The following EXOC6 variants were observed in gnomAD, a reference collection of about 807,000 sequenced individuals.
EXOC6 encodes SEC15-like 1.
EXOC6 carries 60 observed loss-of-function variants against 112.5 expected under a neutral mutation model. The observed-to-expected ratio is 0.53, with a 90% CI of 0.43 to 0.66. EXOC6 has a LOEUF of 0.66. Ranked by LOEUF, EXOC6 falls within the 30% of genes least tolerant of loss-of-function variation. The pLI is 0.00. For synonymous variants in EXOC6, 295 were observed against 308.0 expected, an observed-to-expected ratio of 0.96 and a Z score of 0.44; for missense variants, 855 against 957.1, an observed-to-expected ratio of 0.89 and a Z score of 1.41.
chr10:92,994,783 A>AATG (rs1020174303), intron 18 of EXOC6, among the ~76,000 whole-genome samples: 1 of 151,924 alleles, frequency 6.6e-6, no homozygotes, highest in Non-Finnish European at 1.5e-5. Flanking sequence ...TAATAATAAT[A>AATG]ATAGTGTTCA....
intron 1 of EXOC6, among the ~76,000 whole-genome samples, chr10:92,852,549 T>A (rs941879292): frequency 6.6e-6 from 1 of 152,178 alleles, no homozygotes; most frequent in African/African-American, 2.4e-5. Context: ...TATATGTATA[T>A]ATGTGTGTGT....
intron 20 of EXOC6, among the ~76,000 whole-genome samples, chr10:93,040,343 G>T (rs1564931927): frequency 2.6e-5 from 4 of 152,166 alleles, no homozygotes; most frequent in Non-Finnish European, 5.9e-5. Flanking sequence ...CCGCCTCCCA[G>T]GTTCACGCCA....
At chr10:92,995,975 A>G (rs2134172118) in intron 18 of EXOC6, among the ~76,000 whole-genome samples, 1 of 152,240 alleles carries the variant, frequency 6.6e-6, no homozygotes, top group Middle Eastern at 3.4e-3. Context: ...AAATGTATTT[A>G]TGTTCTTTAT....
rs566645875 is a variant in EXOC6 at position 92,975,056 on chromosome 10, C to T, written c.1953+824C>T. Among the ~76,000 whole-genome samples the T allele has an allele frequency of 3.2e-3, 490 of 151,788 alleles. 3 individuals carry two copies. The highest frequency in any genetic ancestry group is 6.8e-3 in the Middle Eastern group (2 of 294). On this transcript the variant is annotated intron_variant, in intron 18 of 21. Transcript: ENST00000260762. ...TCTGGGACGTGAGGAGCCCCTCTGC[C>T]TGGCTGCCCAGTCTGGAAAGTGAGG...
intron 1 of EXOC6, among the ~76,000 whole-genome samples, chr10:92,886,734 A>C (rs1849234428): frequency 6.6e-6 from 1 of 152,238 alleles, no homozygotes; most frequent in Non-Finnish European, 1.5e-5. Context: ...TGTAATGATT[A>C]ACATAGTTAA....
intron 13 of EXOC6, among the ~76,000 whole-genome samples, chr10:92,944,969 T>C (rs1194233342): frequency 6.6e-6 from 1 of 151,904 alleles, no homozygotes; most frequent in Non-Finnish European, 1.5e-5. Context: ...ATGGGGTTTC[T>C]GTATGTTGGT....
chr10:92,882,544 CAAAA>C (rs386372107), intron 1 of EXOC6, among the ~76,000 whole-genome samples: 2 of 112,950 alleles, frequency 1.8e-5, no homozygotes, highest in African/African-American at 3.5e-5. Flanking sequence ...GGCTCTGTCT[CAAAA>C]AAAAAAAAAA....
chr10:92,989,986 A>C (rs1038982113), intron 18 of EXOC6, among the ~76,000 whole-genome samples: 2 of 152,194 alleles, frequency 1.3e-5, no homozygotes, highest in African/African-American at 4.8e-5. Flanking sequence ...TTATGAGTTA[A>C]TTCCAGGTAT....
Position 92,915,818 on chromosome 10 carries a change from A to G in EXOC6, c.724A>G (p.Lys242Glu), listed in dbSNP as rs1465004521. ...LQKQNKMKFG[K>E]NMYINRDRIP... is the part of the protein sequence containing the mutation. ...GAAACAAAATAAAATGAAATTTGGG[A>G]AAAATATGTATATAAATCGTGATAG... The change falls in exon 7 of 22, where the codon AAA becomes GAA. Residue 242 changes from lysine (K) to glutamate (E), a missense_variant. By Grantham distance (56) the Lys-to-Glu change is moderately conservative. Transcript: ENST00000260762. 6.5e-7 allele frequency: 1 copy of G among 1,533,612 alleles called. No individual in the cohort carries two copies. Among genetic ancestry groups the G allele is most frequent in the Non-Finnish European group, 8.7e-7 (1 of 1,149,872 alleles).
intron 20 of EXOC6, among the ~76,000 whole-genome samples, chr10:93,045,958 A>G (rs887766378): frequency 6.6e-6 from 1 of 152,248 alleles, no homozygotes; most frequent in Non-Finnish European, 1.5e-5. Context: ...TCTGGCTTTC[A>G]GAATAATTAT....
At chr10:92,859,859 G>C (rs1847822096) in intron 1 of EXOC6, among the ~76,000 whole-genome samples, 1 of 144,120 alleles carries the variant, frequency 6.9e-6, no homozygotes. Context: ...GTGTGTGTGT[G>C]TGTTGGAGGC....
intron 1 of EXOC6, among the ~76,000 whole-genome samples, chr10:92,866,206 T>A (rs1848168090): frequency 6.6e-6 from 1 of 152,212 alleles, no homozygotes. Flanking sequence ...AAATTTTTAA[T>A]CCAAGTAACT....
chr10:92,863,820 C>T (rs1848029537), intron 1 of EXOC6, among the ~76,000 whole-genome samples: 1 of 149,986 alleles, frequency 6.7e-6, no homozygotes, highest in South Asian at 2.1e-4. Flanking sequence ...GAGGCTGAGA[C>T]AGGAGAATGG....
intron 1 of EXOC6, among the ~76,000 whole-genome samples, chr10:92,872,764 C>T (rs900868640): frequency 1.6e-5 from 2 of 127,014 alleles, no homozygotes; most frequent in African/African-American, 6.0e-5. Flanking sequence ...TATAAATGCA[C>T]AAATAATAAG....
intron 20 of EXOC6, among the ~76,000 whole-genome samples, chr10:93,038,986 T>C (rs1207468985): frequency 1.3e-5 from 2 of 152,166 alleles, no homozygotes; most frequent in Non-Finnish European, 2.9e-5. Flanking sequence ...TTCAAAGGGA[T>C]GTATTCTTCC....
At chr10:92,833,217 G>T (rs985388077), upstream of EXOC6, among the ~76,000 whole-genome samples, 3 of 152,194 alleles carry the variant, frequency 2.0e-5, no homozygotes, top group African/African-American at 2.4e-5. Flanking sequence ...CTGTGGTTCA[G>T]TTGGGGCTTG....
chr10:92,952,523 A>G (rs1335752846), intron 15 of EXOC6, 141 bp downstream of exon 15: 3 of 644,258 alleles, frequency 4.7e-6, no homozygotes, highest in Non-Finnish European at 8.3e-6. Flanking sequence ...CATATTGTGT[A>G]ATGCTGAGAT....
chr10:92,828,686 GTGTC>G (rs1389364773), intron 1 of EXOC6, among the ~76,000 whole-genome samples: 21 of 36,238 alleles, frequency 5.8e-4, no homozygotes, highest in Non-Finnish European at 1.1e-3. Context: ...TGAGTTTTGT[GTGTC>G]TGTGTGTGTG....
At chr10:92,948,468 G>A in intron 14 of EXOC6, 89 bp downstream of exon 14, 2 of 754,604 alleles carry the variant, frequency 2.7e-6, no homozygotes, top group South Asian at 2.4e-5. Flanking sequence ...AGCTGAGACT[G>A]TAAATAACAG....
Sources: gnomAD v4.1 joint callset for allele counts (sites outside exome capture counted in the v4.1 genomes callset) on GRCh38, gnomAD v4.1.1 for gene constraint, MANE v1.5 for transcripts, NCBI Gene and HGNC (gene_info 2026-07-23, HGNC 2026-07-21) for gene names.